The following DMD variants were observed in gnomAD, a reference collection of about 807,000 sequenced individuals.
The protein encoded by DMD is mutant dystrophin.
Under a neutral mutation model 330.1 loss-of-function variants are expected in DMD, and 63 were observed. That is an observed-to-expected ratio of 0.19 (90% CI 0.16 to 0.24). DMD has a LOEUF of 0.24. Ranked by LOEUF, DMD falls within the 10% of genes least tolerant of loss-of-function variation. DMD has a pLI of 1.00. For synonymous variants in DMD, 1,223 were observed against 959.8 expected, an observed-to-expected ratio of 1.27 and a Z score of -5.07; for missense variants, 3,344 against 2,684.1, an observed-to-expected ratio of 1.25 and a Z score of -5.43.
At chrX:32,614,244 AG>A in intron 12 of DMD, 58 bp downstream of exon 12, 36 of 1,100,528 alleles carry the variant, frequency 3.3e-5, no homozygotes, top group Non-Finnish European at 4.3e-5. Flanking sequence ...TACTGTGTAT[AG>A]GTACTATACA....
In DMD at chrX:32,491,687, A is replaced by G. The variant is rs182840232; in HGVS notation, c.2381-169T>C. Among the ~76,000 whole-genome samples, 21 of 112,414 alleles carry G rather than the reference A, an allele frequency of 1.9e-4. No individual in the cohort carries two copies. The East Asian group carries it at 5.9e-3, about 31-fold the overall frequency. ...TGTAAATATGATTTCAGATTATTCA[A>G]TGTGAATTATCAGACTTGCGTCACA... On this transcript the variant is annotated intron_variant, in intron 19 of 78. Coordinates refer to ENST00000357033, the MANE Select transcript of DMD (RefSeq NM_004006.3).
intron 44 of DMD, among the ~76,000 whole-genome samples, chrX:32,076,774 ACTCT>A (rs2096355606): frequency 9.0e-6 from 1 of 111,329 alleles, no homozygotes; most frequent in Admixed American, 9.5e-5. Context: ...TGTCTGCCTC[ACTCT>A]CAGATTCATA....
chrX:32,967,860 ATTC>A (rs764500149), intron 2 of DMD, among the ~76,000 whole-genome samples: 1 of 112,010 alleles, frequency 8.9e-6, no homozygotes, highest in East Asian at 2.8e-4. Context: ...ATTTCTATGC[ATTC>A]TTCAAGACAG....
chrX:32,480,626 A>ACACT (rs2041789621), intron 21 of DMD, among the ~76,000 whole-genome samples: 1 of 106,119 alleles, frequency 9.4e-6, no homozygotes, highest in East Asian at 2.8e-4. Context: ...GTATGTGTAT[A>ACACT]TATGTACATA....
At chrX:31,332,239 C>G (rs145453323) in intron 61 of DMD, among the ~76,000 whole-genome samples, 3,691 of 112,172 alleles carry the variant, frequency 0.033, 149 homozygotes, top group African/African-American at 0.11. Context: ...ACCATCTAAA[C>G]TGAACTCACA....
intron 57 of DMD, among the ~76,000 whole-genome samples, chrX:31,495,607 A>C (rs1356616385): frequency 2.7e-5 from 3 of 112,042 alleles, no homozygotes; most frequent in Non-Finnish European, 5.6e-5. Flanking sequence ...GTTATTATAA[A>C]AATTGGTAAA....
chrX:32,285,366 A>G (rs1169018734), intron 43 of DMD, among the ~76,000 whole-genome samples: 1 of 112,262 alleles, frequency 8.9e-6, no homozygotes, highest in Non-Finnish European at 1.9e-5. Flanking sequence ...TAATGTCTCA[A>G]TGTGAAATGC....
chrX:32,456,452 T>C (rs2098358523), intron 25 of DMD, among the ~76,000 whole-genome samples: 1 of 111,299 alleles, frequency 9.0e-6, no homozygotes, highest in Admixed American at 9.6e-5. Context: ...TGCTGCTAAA[T>C]TTCTACTTAG....
intron 2 of DMD, among the ~76,000 whole-genome samples, chrX:32,870,462 C>T (rs1194195544): frequency 9.0e-6 from 1 of 111,595 alleles, no homozygotes; most frequent in Non-Finnish European, 1.9e-5. Context: ...CAAAAAGGAG[C>T]CCATATAGCC....
intron 51 of DMD, among the ~76,000 whole-genome samples, chrX:31,731,691 C>T (rs1028870657): frequency 9.0e-6 from 1 of 111,548 alleles, no homozygotes; most frequent in Non-Finnish European, 1.9e-5. Flanking sequence ...CATGAAAAAT[C>T]GTGCTTTTCG....
chrX:31,986,448 C>G (rs1383181078), intron 44 of DMD, among the ~76,000 whole-genome samples: 2 of 111,073 alleles, frequency 1.8e-5, no homozygotes, highest in East Asian at 5.7e-4. Flanking sequence ...GAGTCTCGCT[C>G]TGTCACCAGG....
intron 4 of DMD, among the ~76,000 whole-genome samples, chrX:32,838,254 T>G (rs950868930): frequency 8.9e-6 from 1 of 111,791 alleles, no homozygotes; most frequent in Non-Finnish European, 1.9e-5. Flanking sequence ...TGATTTTTCC[T>G]GTTTTATATT....
intron 45 of DMD, among the ~76,000 whole-genome samples, chrX:31,948,061 C>G (rs773597178): frequency 3.6e-5 from 4 of 111,484 alleles, no homozygotes; most frequent in Non-Finnish European, 7.5e-5. Flanking sequence ...TATCATTCTA[C>G]TCTCTGGTTC....
intron 41 of DMD, among the ~76,000 whole-genome samples, chrX:32,335,757 CAT>C (rs1340786013): frequency 1.4e-5 from 1 of 72,288 alleles, no homozygotes; most frequent in South Asian, 5.7e-4. Context: ...ATAGGCATAA[CAT>C]GTATATATAA....
intron 2 of DMD, among the ~76,000 whole-genome samples, chrX:32,876,459 G>T (rs2149173307): frequency 9.0e-6 from 1 of 111,731 alleles, no homozygotes; most frequent in South Asian, 3.7e-4. Flanking sequence ...GTATTTTTGT[G>T]TTCTAGCCTT....
chrX:31,556,071 A>AT lies in DMD; in HGVS notation c.8218-48619_8218-48618insA, dbSNP rs201393594. On this transcript the variant is annotated intron_variant, in intron 55 of 78. Coordinates refer to ENST00000357033, the MANE Select transcript of DMD (RefSeq NM_004006.3). The stretch of plus-strand genomic sequence containing the variant: ...GATTTATGATAGGTGAAGTTTAAAA[A>AT]AAATAATAATAATTGGCCGGGCGCA... Among the ~76,000 whole-genome samples, 294 of 110,901 alleles carry AT rather than the reference A, an allele frequency of 2.7e-3. 2 individuals carry two copies. The highest frequency in any genetic ancestry group is 9.3e-3 in the African/African-American group (284 of 30,456).
intron 44 of DMD, among the ~76,000 whole-genome samples, chrX:32,069,366 AG>A (rs2096280705): frequency 8.9e-6 from 1 of 111,756 alleles, no homozygotes; most frequent in Non-Finnish European, 1.9e-5. Flanking sequence ...GATTTTTAAA[AG>A]GTAATAATAA....
chrX:31,378,787 TTCC>T (rs1465935441), intron 60 of DMD, among the ~76,000 whole-genome samples: 3 of 109,455 alleles, frequency 2.7e-5, no homozygotes, highest in African/African-American at 6.7e-5. Flanking sequence ...CCACCCTCCA[TTCC>T]TCCTTTTTCT....
chrX:32,931,046 T>C (rs1210957351), intron 2 of DMD, among the ~76,000 whole-genome samples: 1 of 108,325 alleles, frequency 9.2e-6, no homozygotes, highest in Non-Finnish European at 1.9e-5. Context: ...ACTATATATA[T>C]TTCATATATG....
Sources: gnomAD v4.1 joint callset for allele counts (sites outside exome capture counted in the v4.1 genomes callset) on GRCh38, gnomAD v4.1.1 for gene constraint, MANE v1.5 for transcripts, NCBI Gene and HGNC (gene_info 2026-07-23, HGNC 2026-07-21) for gene names.